Variants in ZHX2 observed in about 807,000 individuals in gnomAD.
The protein encoded by ZHX2 is zinc fingers and homeoboxes protein 2.
In ZHX2, 6 loss-of-function variants were observed where a neutral mutation model predicts 21.9. The observed-to-expected ratio is 0.27, with a 90% CI of 0.15 to 0.54. The LOEUF is 0.54. ZHX2 is among the 20% of genes least tolerant of loss of function. ZHX2 has a pLI of 0.95. For synonymous variants in ZHX2, 434 were observed against 437.1 expected (o/e 0.99, Z 0.09); for missense variants, 908 against 1,090.7 (o/e 0.83, Z 2.36).
intron 1 of ZHX2, among the ~76,000 whole-genome samples, chr8:122,849,969 C>G (rs11781037): frequency 3.9e-5 from 6 of 152,048 alleles, no homozygotes; most frequent in Admixed American, 3.3e-4. Flanking sequence ...TCACCATCAT[C>G]ATAGCCAACT....
At position 122,890,710 on chromosome 8, in the gene ZHX2, T is replaced by C. The variant is rs149537320; in HGVS notation, c.-220+27171T>C. Reference sequence around the variant, plus strand: ...AAATTTATTCCTAGGTATTTTATTCTTGTAGCTATTGTAAATGGAATTGCT... The same window carrying C: ...AAATTTATTCCTAGGTATTTTATTCCTGTAGCTATTGTAAATGGAATTGCT... On this transcript the variant is annotated intron_variant, in intron 2 of 3. Coordinates refer to ENST00000314393, the MANE Select transcript of ZHX2 (RefSeq NM_014943.5). Among the ~76,000 whole-genome samples, 438 of 152,318 alleles carry C rather than the reference T, an allele frequency of 2.9e-3. 2 individuals are homozygous for C. The highest frequency in any genetic ancestry group is 0.01 in the African/African-American group (418 of 41,586).
chr8:122,831,164 G>A (rs895371171), intron 1 of ZHX2, among the ~76,000 whole-genome samples: 16 of 152,188 alleles, frequency 1.1e-4, no homozygotes, highest in African/African-American at 3.9e-4. Flanking sequence ...TACTTATCTG[G>A]AGAAAGTACA....
chr8:122,788,856 C>T (rs768211735), intron 1 of ZHX2, among the ~76,000 whole-genome samples: 2 of 152,134 alleles, frequency 1.3e-5, no homozygotes, highest in South Asian at 2.1e-4. Context: ...TGCACGTGTG[C>T]GTATGAGAGT....
chr8:122,952,181 A>T lies in ZHX2; in HGVS notation c.671A>T (p.Glu224Val), dbSNP rs754250449. ...GCCCGCCTGGTGACAGACACAGCTG[A>T]GATCCTCTCGAGACTCGGCGGGGTG... is the stretch of plus-strand genomic sequence containing the variant. The part of the protein sequence containing the change: ...GTARLVTDTA[E>V]ILSRLGGVEL... Residue 224 changes from glutamate to valine, a missense_variant, in exon 3 of 4, where the codon GAG becomes GTG. By Grantham distance (121) the Glu-to-Val change is moderately radical (BLOSUM62 -2). Transcript: ENST00000314393. This position sits in a 1 kb window ranked among gnomAD's most constrained non-coding sequence, Gnocchi z 6.9. The T allele has an allele frequency of 6.2e-7, 1 of 1,613,494 alleles. No individual in the cohort carries two copies. Among genetic ancestry groups the T allele is most frequent in the South Asian group, 1.1e-5 (1 of 91,014 alleles).
chr8:122,946,090 G>A, intron 2 of ZHX2, among the ~76,000 whole-genome samples: 1 of 152,250 alleles, frequency 6.6e-6, no homozygotes, highest in East Asian at 1.9e-4. Flanking sequence ...GGAAGGGACT[G>A]TGTTAGAGTT....
intron 2 of ZHX2, among the ~76,000 whole-genome samples, chr8:122,872,497 CAAAGAGATGAAG>C: frequency 6.6e-6 from 1 of 152,246 alleles, no homozygotes; most frequent in African/African-American, 2.4e-5. Context: ...TAAGCTAAAC[CAAAGAGATGAAG>C]AAAGAAGTGA....
At chr8:122,891,013 G>T (rs1819961833) in intron 2 of ZHX2, among the ~76,000 whole-genome samples, 1 of 152,034 alleles carries the variant, frequency 6.6e-6, no homozygotes, top group Non-Finnish European at 1.5e-5. Context: ...TTTTCTTGTT[G>T]TTGTATCCTT....
chr8:122,911,711 A>G (rs1384093762), intron 2 of ZHX2, among the ~76,000 whole-genome samples: 1 of 152,134 alleles, frequency 6.6e-6, no homozygotes, highest in Non-Finnish European at 1.5e-5. Context: ...AGTGGGGGAG[A>G]CAGGCCTAAG....
At chr8:122,923,841 G>A (rs1201602262) in intron 2 of ZHX2, among the ~76,000 whole-genome samples, 3 of 152,178 alleles carry the variant, frequency 2.0e-5, no homozygotes. Flanking sequence ...AATGCTCCAT[G>A]GGTATGCTCT....
At chr8:122,946,177 G>C (rs1354943755) in intron 2 of ZHX2, among the ~76,000 whole-genome samples, 1 of 151,938 alleles carries the variant, frequency 6.6e-6, no homozygotes, top group African/African-American at 2.4e-5. Flanking sequence ...AGGCATATCA[G>C]ACCCGAAGAC....
chr8:122,786,954 G>T (rs1817407596), intron 1 of ZHX2, among the ~76,000 whole-genome samples: 1 of 151,978 alleles, frequency 6.6e-6, no homozygotes, highest in South Asian at 2.1e-4. Context: ...AAAAACTCGT[G>T]ATTCCCCTCC....
At position 122,945,436 on chromosome 8, in the gene ZHX2, C is replaced by CAAAAAA. The variant is rs60890533; in HGVS notation, c.-219-5834_-219-5829dup. On this transcript the variant is annotated intron_variant, in intron 2 of 3. Coordinates refer to ENST00000314393, the MANE Select transcript of ZHX2 (RefSeq NM_014943.5). ...CTCTTTTATATAAACCCTGTCTCTG[C>CAAAAAA]AAAAAAAAAAAAAAAAAAAAAAAAA... 1.6e-3 allele frequency among the ~76,000 whole-genome samples: 117 copies of CAAAAAA among 73,652 alleles called. 14 individuals carry two copies. The highest frequency in any genetic ancestry group is 6.4e-3 in the African/African-American group (103 of 15,980). The allele number at this position is 73,652 out of a possible 152,430, so 48.3% of individuals were successfully genotyped here.
chr8:122,910,175 C>A (rs1446160209), intron 2 of ZHX2, among the ~76,000 whole-genome samples: 1 of 151,656 alleles, frequency 6.6e-6, no homozygotes, highest in Non-Finnish European at 1.5e-5. Context: ...CTAGAGGGAC[C>A]TAGTAATAAT....
chr8:122,847,037 C>A (rs538518869), intron 1 of ZHX2, among the ~76,000 whole-genome samples: 1 of 152,122 alleles, frequency 6.6e-6, no homozygotes, highest in Admixed American at 6.5e-5. Context: ...GTTGTTATTG[C>A]GATTAGCCTC....
intron 1 of ZHX2, among the ~76,000 whole-genome samples, chr8:122,813,313 TAGCCAAG>T (rs2130613391): frequency 6.6e-6 from 1 of 152,258 alleles, no homozygotes; most frequent in African/African-American, 2.4e-5. Context: ...CTGAAAGTCA[TAGCCAAG>T]AGCATGTGTC....
chr8:122,886,005 GA>G (rs1174588801), intron 2 of ZHX2, among the ~76,000 whole-genome samples: 1 of 151,362 alleles, frequency 6.6e-6, no homozygotes, highest in Non-Finnish European at 1.5e-5. Flanking sequence ...GCCAATTCAG[GA>G]AAAAAAAGAG....
intron 2 of ZHX2, among the ~76,000 whole-genome samples, chr8:122,915,855 GATAA>G (rs1451518255): frequency 6.6e-6 from 1 of 152,352 alleles, no homozygotes; most frequent in East Asian, 1.9e-4. Context: ...CAAAGAAAGT[GATAA>G]ATAATGTTTT....
chr8:122,903,823 G>C (rs975872570), intron 2 of ZHX2, among the ~76,000 whole-genome samples: 26 of 152,146 alleles, frequency 1.7e-4, no homozygotes, highest in African/African-American at 6.3e-4. Flanking sequence ...GGAATGGTTA[G>C]AAATGGGGCT....
At chr8:122,833,008 G>T (rs1373529653) in intron 1 of ZHX2, among the ~76,000 whole-genome samples, 1 of 152,122 alleles carries the variant, frequency 6.6e-6, no homozygotes, top group Admixed American at 6.6e-5. Context: ...ACGAAGAGGT[G>T]GGGGCTGTCT....
Sources: gnomAD v4.1 joint callset for allele counts (sites outside exome capture counted in the v4.1 genomes callset) on GRCh38, gnomAD v4.1.1 for gene constraint, Gnocchi (gnomAD v3.1) non-coding constraint, MANE v1.5 for transcripts, NCBI Gene and HGNC (gene_info 2026-07-23, HGNC 2026-07-21) for gene names.